ATP6V1G3: variants seen among roughly 807,000 people sequenced by gnomAD.
The protein encoded by ATP6V1G3 is ATPase H+ transporting V1 subunit G3, also known as V-type proton ATPase subunit G 3.
In ATP6V1G3, 9 loss-of-function variants were observed where a neutral mutation model predicts 9.3. The observed-to-expected ratio is 0.97, with a 90% confidence interval of 0.59 to 1.69. ATP6V1G3 has a LOEUF of 1.69. Ranked by LOEUF, ATP6V1G3 falls within the 40% of genes most tolerant of loss-of-function variation. The pLI, the probability that ATP6V1G3 is intolerant of heterozygous loss-of-function variation, is 0.00. For missense variants in ATP6V1G3, 133 were observed against 139.0 expected (o/e 0.96, Z 0.22); for synonymous variants, 43 against 43.8 (o/e 0.98, Z 0.07).
At chr1:198,525,001 C>T (rs763337929) in intron 2 of ATP6V1G3, among the ~76,000 whole-genome samples, 3 of 152,144 alleles carry the variant, frequency 2.0e-5, no homozygotes, top group Non-Finnish European at 4.4e-5. Flanking sequence ...TTTCTGTTTA[C>T]AGTCCAGGCA....
chr1:198,535,940 A>G (rs2103142582), intron 1 of ATP6V1G3, among the ~76,000 whole-genome samples: 1 of 152,336 alleles, frequency 6.6e-6, no homozygotes, highest in East Asian at 1.9e-4. Flanking sequence ...TGTAGCTTTT[A>G]GACATTTTTA....
Position 198,537,816 on chromosome 1 carries a change from C to A in ATP6V1G3, c.82+2753G>T, listed in dbSNP as rs562571175. Among the ~76,000 whole-genome samples the A allele has an allele frequency of 2.6e-5, 4 of 152,188 alleles. No individual in the cohort carries two copies. The South Asian group carries it at 8.3e-4, about 32-fold the overall frequency. On this transcript the variant is annotated intron_variant, in intron 1 of 2. Coordinates refer to ENST00000367382, the MANE Select transcript of ATP6V1G3 (RefSeq NM_001376861.1). ...CAAAGTGGCCTGGAATTAGTAGATA[C>A]CCAATAAACACTTATTGAATTAAAT...
chr1:198,539,558 A>G (rs1382421589), intron 1 of ATP6V1G3, among the ~76,000 whole-genome samples: 1 of 152,200 alleles, frequency 6.6e-6, no homozygotes, highest in Non-Finnish European at 1.5e-5. Context: ...TTTTTTTATT[A>G]TGCAAATTGT....
intron 1 of ATP6V1G3, among the ~76,000 whole-genome samples, chr1:198,537,618 GA>G (rs1410804204): frequency 6.6e-6 from 1 of 152,116 alleles, no homozygotes; most frequent in Non-Finnish European, 1.5e-5. Flanking sequence ...AATTTCAAAT[GA>G]ATCTTTGTAT....
In ATP6V1G3 at chr1:198,540,613, T is replaced by C. The variant is rs779954548; in HGVS notation, c.38A>G (p.Gln13Arg). The C allele has an allele frequency of 3.1e-6, 5 of 1,614,120 alleles. No homozygotes were observed. The Admixed American group carries it at 5.0e-5, about 16-fold the overall frequency. The change falls in exon 1 of 3, where the codon CAG becomes CGG. Residue 13 changes from glutamine (Q) to arginine (R), a missense_variant. Transcript: ENST00000367382. Reference sequence around the variant, plus strand: ...CTTGTCCTTGGCCCGTTTTTCTGCCTGAAGAAGCTGGTGGATCCCCTGAGA... The same window carrying C: ...CTTGTCCTTGGCCCGTTTTTCTGCCCGAAGAAGCTGGTGGATCCCCTGAGA... Reference protein sequence around the residue: ...SQSQGIHQLLQAEKRAKDKLE... With the variant: ...SQSQGIHQLLRAEKRAKDKLE...
chr1:198,531,485 T>C (rs181436017), intron 1 of ATP6V1G3, among the ~76,000 whole-genome samples: 118 of 152,236 alleles, frequency 7.8e-4, no homozygotes, highest in African/African-American at 2.7e-3. Flanking sequence ...TTTCAGGTGG[T>C]TTGTGGGAAA....
Position 198,531,301 on chromosome 1 carries a change from G to T in ATP6V1G3, c.83-2120C>A, listed in dbSNP as rs377646326. On this transcript the variant is annotated intron_variant, in intron 1 of 2. Coordinates refer to ENST00000367382, the MANE Select transcript of ATP6V1G3 (RefSeq NM_001376861.1). ...AAAAAACTGGAGCCTAAAGCCTACT[G>T]TTCTGTTAGAGGTGAAACAAAATGC... Among the ~76,000 whole-genome samples the T allele has an allele frequency of 4.5e-4, 68 of 152,262 alleles. No individual in the cohort carries two copies. The South Asian group carries it at 0.014, about 31-fold the overall frequency.
chr1:198,528,542 T>G (rs1337703172), intron 2 of ATP6V1G3, among the ~76,000 whole-genome samples: 3 of 152,080 alleles, frequency 2.0e-5, no homozygotes, highest in Admixed American at 6.6e-5. Context: ...AATGTGCCAA[T>G]GTAGGAAAAA....
chr1:198,527,979 A>C (rs1265156069), intron 2 of ATP6V1G3, among the ~76,000 whole-genome samples: 1 of 152,148 alleles, frequency 6.6e-6, no homozygotes, highest in African/African-American at 2.4e-5. Context: ...AGAATGGTAC[A>C]TGTGAAGGCC....
intron 1 of ATP6V1G3, among the ~76,000 whole-genome samples, chr1:198,531,188 C>G (rs1232031569): frequency 2.0e-5 from 3 of 152,102 alleles, no homozygotes; most frequent in Admixed American, 2.0e-4. Flanking sequence ...ACAGGGAAAT[C>G]GTTGCTGGCA....
intron 2 of ATP6V1G3, among the ~76,000 whole-genome samples, chr1:198,525,207 T>A (rs989035687): frequency 1.3e-5 from 2 of 152,152 alleles, no homozygotes; most frequent in African/African-American, 4.8e-5. Context: ...AAGCTCAAAA[T>A]TTTTCCTCTA....
chr1:198,533,530 G>A (rs1038229498), intron 1 of ATP6V1G3, among the ~76,000 whole-genome samples: 1 of 152,102 alleles, frequency 6.6e-6, no homozygotes, highest in African/African-American at 2.4e-5. Context: ...GTCAATGATG[G>A]CACCAACATT....
intron 1 of ATP6V1G3, among the ~76,000 whole-genome samples, chr1:198,536,296 A>G (rs564489061): frequency 6.6e-6 from 1 of 152,296 alleles, no homozygotes; most frequent in African/African-American, 2.4e-5. Context: ...ACTAAAAGTA[A>G]AAATGCAACA....
rs144068469 is a variant in ATP6V1G3 at position 198,538,203 on chromosome 1, G to A, written c.82+2366C>T. Reference sequence around the variant, plus strand: ...GGTAGATTAAGAAAAAAATATGCAGGTATTTTAAGTTACTGGCAAATGAAA... The same window carrying A: ...GGTAGATTAAGAAAAAAATATGCAGATATTTTAAGTTACTGGCAAATGAAA... On this transcript the variant is annotated intron_variant, in intron 1 of 2. Transcript: ENST00000367382. 2.5e-3 allele frequency among the ~76,000 whole-genome samples: 388 copies of A among 152,212 alleles called. 6 individuals carry two copies. The highest frequency in any genetic ancestry group is 5.4e-3 in the East Asian group (28 of 5,182).
At chr1:198,528,594 A>C (rs1659758872) in intron 2 of ATP6V1G3, among the ~76,000 whole-genome samples, 1 of 152,146 alleles carries the variant, frequency 6.6e-6, no homozygotes, top group Non-Finnish European at 1.5e-5. Context: ...TGAATGAGTC[A>C]GCCAGTTGCA....
chr1:198,533,036 T>A (rs1167956589), intron 1 of ATP6V1G3, among the ~76,000 whole-genome samples: 1 of 152,176 alleles, frequency 6.6e-6, no homozygotes, highest in Non-Finnish European at 1.5e-5. Context: ...CTAGGCACGG[T>A]GGCTCATGCC....
At chr1:198,526,335 C>G (rs1313861792) in intron 2 of ATP6V1G3, among the ~76,000 whole-genome samples, 1 of 152,024 alleles carries the variant, frequency 6.6e-6, no homozygotes, top group Non-Finnish European at 1.5e-5. Flanking sequence ...CTGTCTGGCA[C>G]TTAGTAGATG....
At chr1:198,534,110 G>GC (rs545039775) in intron 1 of ATP6V1G3, among the ~76,000 whole-genome samples, 8 of 152,246 alleles carry the variant, frequency 5.3e-5, no homozygotes, top group Non-Finnish European at 1.2e-4. Context: ...ATTTAATTGT[G>GC]CCCCCCGAAA....
chr1:198,533,439 AAGT>A (rs1558180294), intron 1 of ATP6V1G3, among the ~76,000 whole-genome samples: 1 of 152,160 alleles, frequency 6.6e-6, no homozygotes, highest in Non-Finnish European at 1.5e-5. Context: ...GGAAATGGTA[AAGT>A]AGTAGTGGAG....
Sources: gnomAD v4.1 joint callset for allele counts (sites outside exome capture counted in the v4.1 genomes callset) on GRCh38, gnomAD v4.1.1 for gene constraint, MANE v1.5 for transcripts, NCBI Gene and HGNC (gene_info 2026-07-23, HGNC 2026-07-21) for gene names.